Variants in UNC79 observed in about 807,000 individuals in gnomAD.
UNC79 encodes unc-79 subunit of NALCN channel complex.
UNC79 carries 37 observed loss-of-function variants against 283.1 expected under a neutral mutation model. The observed-to-expected ratio is 0.13, with a 90% CI of 0.10 to 0.17. The LOEUF is 0.17. Ranked by LOEUF, UNC79 falls within the 10% of genes least tolerant of loss-of-function variation. The pLI is 1.00. For synonymous variants in UNC79, 1,107 were observed against 1,200.2 expected (o/e 0.92, Z 1.61); for missense variants, 2,272 against 3,211.1 (o/e 0.71, Z 7.07).
rs1201010994 is a variant in UNC79 at position 93,690,606 on chromosome 14, TATAATC to T, written c.7272+305_7272+310del. 3.6e-5 allele frequency: 11 copies of T among 304,392 alleles called. No individual in the cohort carries two copies. The East Asian group carries it at 4.7e-4, about 13-fold the overall frequency. 18.9% of individuals were successfully genotyped at this position (304,392 alleles called of 1,614,324 possible). On this transcript the variant is annotated intron_variant, in intron 45 of 48. Coordinates refer to ENST00000555664, the Ensembl canonical transcript of UNC79. The surrounding 1 kb of genome is among the most constrained non-coding windows in gnomAD (Gnocchi z 4.3). ...ATGAAGAGAAATAAAAGGCTAGAAA[TATAATC>T]AAAATTCTGTGATCAGTTTTTAAAA...
chr14:93,698,278 T>G (rs1367949534), intron 47 of UNC79, among the ~76,000 whole-genome samples: 1 of 152,120 alleles, frequency 6.6e-6, no homozygotes, highest in African/African-American at 2.4e-5. Context: ...ATGTCCTTCT[T>G]GTTATGTCTG....
chr14:93,613,248 G>A (rs2066436628), intron 27 of UNC79, among the ~76,000 whole-genome samples, 165 bp downstream of exon 28: 1 of 151,984 alleles, frequency 6.6e-6, no homozygotes, highest in Admixed American at 6.6e-5. Context: ...TAAGAATTGG[G>A]AGCCTGGCTG....
intron 7 of UNC79, among the ~76,000 whole-genome samples, chr14:93,507,603 T>A (rs1277150779): frequency 6.6e-6 from 1 of 152,194 alleles, no homozygotes; most frequent in Non-Finnish European, 1.5e-5. Context: ...TTTATTTAGT[T>A]TGATACAAGT....
At chr14:93,570,149 G>A in intron 14 of UNC79, among the ~76,000 whole-genome samples, 1 of 152,082 alleles carries the variant, frequency 6.6e-6, no homozygotes. Flanking sequence ...GGGTCTCACT[G>A]TGCTGCTCAG....
At chr14:93,627,573 C>T (rs536943467) in intron 30 of UNC79, among the ~76,000 whole-genome samples, 1 of 152,196 alleles carries the variant, frequency 6.6e-6, no homozygotes. Flanking sequence ...CACAAAAGAA[C>T]AAGCCGTGTT....
intron 1 of UNC79, among the ~76,000 whole-genome samples, chr14:93,408,482 C>T (rs1595440716): frequency 6.6e-6 from 1 of 152,158 alleles, no homozygotes; most frequent in South Asian, 2.1e-4. Context: ...CACCTGAGCA[C>T]AGGAGTTCAA....
At chr14:93,567,521 C>T (rs889276149) in intron 14 of UNC79, among the ~76,000 whole-genome samples, 1 of 152,152 alleles carries the variant, frequency 6.6e-6, no homozygotes, top group African/African-American at 2.4e-5. Context: ...GCCACCATGC[C>T]CGGCCTCACT....
At chr14:93,335,494 A>C (rs1057443850) in intron 1 of UNC79, among the ~76,000 whole-genome samples, 18 of 152,274 alleles carry the variant, frequency 1.2e-4, no homozygotes, top group African/African-American at 4.1e-4. Flanking sequence ...TTTTAAGGCT[A>C]GTGTTAAGAT....
intron 22 of UNC79, among the ~76,000 whole-genome samples, chr14:93,591,985 C>T (rs919004652): frequency 1.3e-5 from 2 of 152,028 alleles, no homozygotes; most frequent in African/African-American, 4.8e-5. Context: ...TTTCATACTG[C>T]GTCTTTACAT....
intron 1 of UNC79, among the ~76,000 whole-genome samples, chr14:93,339,623 G>A (rs2053660254): frequency 6.6e-6 from 1 of 152,164 alleles, no homozygotes; most frequent in Non-Finnish European, 1.5e-5. Context: ...AACAGATACT[G>A]TCTTTCTGTT....
At chr14:93,682,198 A>ACTCACT (rs2073902559) in intron 41 of UNC79, among the ~76,000 whole-genome samples, 1 of 152,144 alleles carries the variant, frequency 6.6e-6, no homozygotes, top group Admixed American at 6.5e-5. Flanking sequence ...CAGGTAGAAT[A>ACTCACT]CTCACTCTGA....
At chr14:93,396,059 G>C (rs1376901008) in intron 1 of UNC79, among the ~76,000 whole-genome samples, 1 of 151,868 alleles carries the variant, frequency 6.6e-6, no homozygotes, top group East Asian at 1.9e-4. Flanking sequence ...CTGAGGCGCT[G>C]TTCATTTTTC....
chr14:93,654,139 A>G (rs2070640657), intron 37 of UNC79, 114 bp downstream of exon 40: 4 of 652,394 alleles, frequency 6.1e-6, no homozygotes, highest in South Asian at 3.8e-5. Context: ...AAGGATTGCA[A>G]TGTTATTTAA....
intron 42 of UNC79, among the ~76,000 whole-genome samples, chr14:93,686,261 C>T (rs2074230916): frequency 6.6e-6 from 1 of 152,106 alleles, no homozygotes; most frequent in African/African-American, 2.4e-5. Flanking sequence ...TAGGCTGAAT[C>T]TTTGCATACA....
intron 42 of UNC79, 92 bp from the exon 46 acceptor site, chr14:93,686,480 C>G (rs1174038757): frequency 1.5e-6 from 2 of 1,354,094 alleles, no homozygotes. Flanking sequence ...AGTAAAACGA[C>G]TCCTTAGTAA....
intron 12 of UNC79, among the ~76,000 whole-genome samples, chr14:93,539,533 TA>T (rs1021864066): frequency 1.3e-5 from 2 of 151,512 alleles, no homozygotes; most frequent in African/African-American, 2.4e-5. Context: ...AAAAATAAAT[TA>T]AAAAAATAAT....
At chr14:93,522,601 A>G (rs1376745720) in intron 7 of UNC79, among the ~76,000 whole-genome samples, 3 of 152,158 alleles carry the variant, frequency 2.0e-5, no homozygotes, top group Admixed American at 6.6e-5. Flanking sequence ...TGACTTTACC[A>G]TATATGGGAA....
At chr14:93,552,920 G>T (rs2061969307) in intron 14 of UNC79, among the ~76,000 whole-genome samples, 2 of 152,148 alleles carry the variant, frequency 1.3e-5, no homozygotes, top group Admixed American at 1.3e-4. Flanking sequence ...CCCTGTACAA[G>T]GACTGCATAG....
chr14:93,458,021 C>G (rs915175397), intron 1 of UNC79, among the ~76,000 whole-genome samples: 13 of 152,202 alleles, frequency 8.5e-5, no homozygotes, highest in African/African-American at 3.1e-4. Context: ...ATAATTTTTA[C>G]TTAAACCATT....
Sources: gnomAD v4.1 joint callset for allele counts (sites outside exome capture counted in the v4.1 genomes callset) on GRCh38, gnomAD v4.1.1 for gene constraint, Gnocchi (gnomAD v3.1) non-coding constraint, MANE v1.5 for transcripts, NCBI Gene and HGNC (gene_info 2026-07-23, HGNC 2026-07-21) for gene names.